Variants in NKAIN2 observed in about 807,000 individuals in gnomAD.
NKAIN2 encodes the protein sodium/potassium transporting ATPase interacting 2, also known as sodium/potassium-transporting ATPase subunit beta-1-interacting protein 2.
Under a neutral mutation model 32.6 loss-of-function variants are expected in NKAIN2, and 14 were observed. The observed-to-expected ratio is 0.43, with a 90% CI of 0.28 to 0.67. The LOEUF (loss-of-function observed/expected upper bound fraction) is 0.67, where lower values mean the gene tolerates loss of function less well. NKAIN2 is among the 30% of genes least tolerant of loss of function. The probability of loss-of-function intolerance (pLI) is 0.17; values close to 1 mark genes in which losing one functional copy is unlikely to be tolerated. For synonymous variants in NKAIN2, 80 were observed against 87.2 expected, an observed-to-expected ratio of 0.92 and a Z score of 0.46; for missense variants, 198 against 258.3, an observed-to-expected ratio of 0.77 and a Z score of 1.60.
At chr6:124,404,939 A>C (rs1773782732) in intron 3 of NKAIN2, among the ~76,000 whole-genome samples, 2 of 152,200 alleles carry the variant, frequency 1.3e-5, no homozygotes, top group Non-Finnish European at 2.9e-5. Flanking sequence ...CATAAAACCC[A>C]GGATCTTCTC....
At chr6:124,371,991 C>T (rs913463821) in intron 3 of NKAIN2, among the ~76,000 whole-genome samples, 1 of 151,900 alleles carries the variant, frequency 6.6e-6, no homozygotes, top group African/African-American at 2.4e-5. Context: ...GAACACAAAC[C>T]CTAGTATTTT....
chr6:124,508,376 G>T (rs996119203), intron 3 of NKAIN2, among the ~76,000 whole-genome samples: 1 of 150,486 alleles, frequency 6.6e-6, no homozygotes, highest in South Asian at 2.1e-4. Flanking sequence ...ATGGAGTCTC[G>T]CTCTGTCACC....
chr6:124,794,720 G>A (rs1339505946), intron 5 of NKAIN2: 1 of 179,764 alleles, frequency 5.6e-6, no homozygotes, highest in Non-Finnish European at 1.1e-5. Flanking sequence ...TGTCTTTGGT[G>A]ACTTTCAGTT....
chr6:124,289,483 A>ATTT (rs1176458784), intron 2 of NKAIN2, among the ~76,000 whole-genome samples: 1 of 152,178 alleles, frequency 6.6e-6, no homozygotes, highest in Non-Finnish European at 1.5e-5. Flanking sequence ...AGAGACAAAG[A>ATTT]CAGGATTCAT....
intron 1 of NKAIN2, among the ~76,000 whole-genome samples, chr6:124,169,651 C>T (rs2114493585): frequency 6.6e-6 from 1 of 152,262 alleles, no homozygotes; most frequent in East Asian, 1.9e-4. Flanking sequence ...TGCCTTGCTC[C>T]TTTCCTTTCT....
intron 1 of NKAIN2, among the ~76,000 whole-genome samples, chr6:123,986,431 A>G (rs905462827): frequency 4.7e-4 from 71 of 152,266 alleles, no homozygotes; most frequent in African/African-American, 1.7e-3. Flanking sequence ...TTGCCCAGGT[A>G]TATATACTGG....
intron 1 of NKAIN2, among the ~76,000 whole-genome samples, chr6:124,277,218 G>A (rs1337571528): frequency 6.6e-6 from 1 of 152,096 alleles, no homozygotes; most frequent in Non-Finnish European, 1.5e-5. Context: ...ATACTTGACT[G>A]GAATGTAAAA....
chr6:124,184,532 T>C (rs549942449), intron 1 of NKAIN2, among the ~76,000 whole-genome samples: 12 of 152,128 alleles, frequency 7.9e-5, no homozygotes, highest in Non-Finnish European at 1.2e-4. Flanking sequence ...GCTGGTATCT[T>C]GGTACAGCAC....
At chr6:123,921,428 A>T (rs149249983) in intron 1 of NKAIN2, among the ~76,000 whole-genome samples, 34 of 152,316 alleles carry the variant, frequency 2.2e-4, no homozygotes, top group African/African-American at 7.9e-4. Context: ...TCATTCCCTC[A>T]GTCATAGAGT....
chr6:124,770,460 CCCATTT>C (rs1778698979), intron 4 of NKAIN2, among the ~76,000 whole-genome samples: 1 of 152,152 alleles, frequency 6.6e-6, no homozygotes, highest in South Asian at 2.1e-4. Flanking sequence ...ACCTTCAAAT[CCCATTT>C]CCATTTCCCC....
chr6:124,488,243 G>C (rs1243428815), intron 3 of NKAIN2, among the ~76,000 whole-genome samples: 1 of 151,988 alleles, frequency 6.6e-6, no homozygotes, highest in Non-Finnish European at 1.5e-5. Context: ...AATGTACACT[G>C]TTAGTTTGTG....
chr6:124,289,459 G>A (rs1464390851), intron 2 of NKAIN2, among the ~76,000 whole-genome samples: 1 of 152,108 alleles, frequency 6.6e-6, no homozygotes, highest in East Asian at 1.9e-4. Flanking sequence ...GGGCCACAGG[G>A]TGACTGGAGC....
At chr6:123,835,886 C>T (rs1271092479) in intron 1 of NKAIN2, among the ~76,000 whole-genome samples, 3 of 152,132 alleles carry the variant, frequency 2.0e-5, no homozygotes, top group Admixed American at 6.5e-5. Flanking sequence ...CTGCTTACCC[C>T]AGTCTCTGTT....
intron 3 of NKAIN2, among the ~76,000 whole-genome samples, chr6:124,633,702 G>A (rs2114320044): frequency 6.6e-6 from 1 of 152,280 alleles, no homozygotes; most frequent in African/African-American, 2.4e-5. Flanking sequence ...ATGAGATCAG[G>A]TTTCAATTCA....
intron 1 of NKAIN2, among the ~76,000 whole-genome samples, chr6:124,199,785 G>A (rs1790513318): frequency 6.6e-6 from 1 of 152,096 alleles, no homozygotes; most frequent in South Asian, 2.1e-4. Context: ...TATAATCAAA[G>A]CAAAGGATTA....
chr6:123,911,813 A>ATGTG, intron 1 of NKAIN2, among the ~76,000 whole-genome samples: 2 of 27,104 alleles, frequency 7.4e-5, no homozygotes, highest in African/African-American at 5.2e-4. Flanking sequence ...ATATATATAT[A>ATGTG]CACACACACA....
intron 4 of NKAIN2, among the ~76,000 whole-genome samples, chr6:124,745,732 T>TAA: frequency 6.6e-6 from 1 of 151,980 alleles, no homozygotes; most frequent in South Asian, 2.1e-4. Flanking sequence ...ATTGTGTTTC[T>TAA]GTGTATTCTT....
At chr6:124,205,674 A>T (rs1361569034) in intron 1 of NKAIN2, among the ~76,000 whole-genome samples, 1 of 151,640 alleles carries the variant, frequency 6.6e-6, no homozygotes, top group Non-Finnish European at 1.5e-5. Flanking sequence ...TCACATTTAC[A>T]GAGGATACTT....
chr6:123,892,241 C>T (rs146216208), intron 1 of NKAIN2, among the ~76,000 whole-genome samples: 1 of 152,294 alleles, frequency 6.6e-6, no homozygotes, highest in African/African-American at 2.4e-5. Context: ...TCTAGATCAT[C>T]TGCTAACAAA....
Sources: gnomAD v4.1 joint callset for allele counts (sites outside exome capture counted in the v4.1 genomes callset) on GRCh38, gnomAD v4.1.1 for gene constraint, MANE v1.5 for transcripts, NCBI Gene and HGNC (gene_info 2026-07-23, HGNC 2026-07-21) for gene names.